The following DLGAP2 variants were observed in gnomAD, a reference collection of about 807,000 sequenced individuals.
DLGAP2 encodes DLG associated protein 2.
DLGAP2 carries 26 observed loss-of-function variants against 100.3 expected under a neutral mutation model. The ratio of observed to expected loss-of-function variants is 0.26; its 90% CI spans 0.19 to 0.36. DLGAP2 has a LOEUF of 0.36. DLGAP2 is among the 10% of genes least tolerant of loss of function. The pLI, the probability that DLGAP2 is intolerant of heterozygous loss-of-function variation, is 1.00. For missense variants in DLGAP2, 1,858 were observed against 1,453.2 expected, an observed-to-expected ratio of 1.28 and a Z score of -4.53; for synonymous variants, 886 against 630.1, an observed-to-expected ratio of 1.41 and a Z score of -6.08.
intron 3 of DLGAP2, among the ~76,000 whole-genome samples, chr8:1,331,203 G>T (rs191024736): frequency 6.6e-6 from 1 of 152,216 alleles, no homozygotes; most frequent in Non-Finnish European, 1.5e-5. Context: ...GAAATGCAGC[G>T]ATGTGGCACT....
chr8:957,909 C>G (rs1485713850), intron 2 of DLGAP2, among the ~76,000 whole-genome samples: 1 of 152,090 alleles, frequency 6.6e-6, no homozygotes, highest in African/African-American at 2.4e-5. Context: ...GGATTTCCCT[C>G]ACCTGCCATT....
intron 2 of DLGAP2, among the ~76,000 whole-genome samples, chr8:917,911 C>T (rs1798629731): frequency 1.3e-5 from 2 of 152,096 alleles, no homozygotes; most frequent in South Asian, 4.1e-4. Flanking sequence ...TAAAGTTGAT[C>T]AAAATGAATA....
chr8:882,775 T>C lies in DLGAP2; in HGVS notation c.19-25137T>C, dbSNP rs1196148110. Among the ~76,000 whole-genome samples, 9 of 150,940 alleles carry C rather than the reference T, an allele frequency of 6.0e-5. No individual in the cohort carries two copies. In the South Asian group the frequency reaches 1.1e-3, roughly 18 times the overall value. On this transcript the variant is annotated intron_variant, in intron 1 of 14. Coordinates refer to ENST00000637795, the MANE Select transcript of DLGAP2 (RefSeq NM_001346810.2). ...CGGTACCTCTCCCTGCGGAGGCCTCTCCTGCGGGCAGCCGTGCCTGGCCCA... is the reference window on the plus strand; with the variant it reads ...CGGTACCTCTCCCTGCGGAGGCCTCCCCTGCGGGCAGCCGTGCCTGGCCCA...
chr8:1,634,299 G>A (rs1797718593), intron 8 of DLGAP2, among the ~76,000 whole-genome samples: 1 of 152,198 alleles, frequency 6.6e-6, no homozygotes, highest in Non-Finnish European at 1.5e-5. Flanking sequence ...TTTCTTCAAT[G>A]CTGGCACCAC....
At chr8:1,592,326 A>C (rs530915387) in intron 6 of DLGAP2, among the ~76,000 whole-genome samples, 1 of 152,062 alleles carries the variant, frequency 6.6e-6, no homozygotes, top group East Asian at 1.9e-4. Flanking sequence ...AATTATGAAA[A>C]CTCTGAAAAT....
intron 2 of DLGAP2, among the ~76,000 whole-genome samples, chr8:993,752 C>T (rs1223225257): frequency 6.8e-6 from 1 of 146,364 alleles, no homozygotes; most frequent in Non-Finnish European, 1.5e-5. Context: ...TCTCTAGATG[C>T]AGACTTTAAG....
chr8:1,629,000 C>T (rs998064545), intron 7 of DLGAP2, among the ~76,000 whole-genome samples: 3 of 152,234 alleles, frequency 2.0e-5, no homozygotes, highest in Non-Finnish European at 4.4e-5. Flanking sequence ...CTTATTATTA[C>T]CATGATAACA....
intron 3 of DLGAP2, among the ~76,000 whole-genome samples, chr8:1,358,446 G>A (rs1048522234): frequency 6.6e-6 from 1 of 152,120 alleles, no homozygotes; most frequent in African/African-American, 2.4e-5. Context: ...GTAGATTTTA[G>A]CTGTTTCTCC....
At chr8:1,479,620 G>T (rs1799033795) in intron 3 of DLGAP2, among the ~76,000 whole-genome samples, 1 of 152,104 alleles carries the variant, frequency 6.6e-6, no homozygotes, top group South Asian at 2.1e-4. Context: ...AAATGGTAGA[G>T]TTTGCTCTTT....
At chr8:930,486 T>C (rs1305536467) in intron 2 of DLGAP2, among the ~76,000 whole-genome samples, 1 of 152,218 alleles carries the variant, frequency 6.6e-6, no homozygotes, top group African/African-American at 2.4e-5. Context: ...GAGGGTTCTC[T>C]GCAGAAAAGG....
intron 3 of DLGAP2, among the ~76,000 whole-genome samples, chr8:1,451,514 G>A (rs1479439303): frequency 7.9e-5 from 3 of 37,766 alleles, no homozygotes; most frequent in South Asian, 1.7e-3. Flanking sequence ...CACCACCCCT[G>A]GTCCCATAAA....
chr8:1,557,297 A>G (rs182404594), intron 5 of DLGAP2, among the ~76,000 whole-genome samples: 14 of 152,030 alleles, frequency 9.2e-5, no homozygotes, highest in African/African-American at 3.4e-4. Flanking sequence ...GGCTCACAAT[A>G]GGGGCTTTCC....
intron 2 of DLGAP2, among the ~76,000 whole-genome samples, chr8:938,091 C>A (rs1799112583): frequency 6.6e-6 from 1 of 152,200 alleles, no homozygotes; most frequent in African/African-American, 2.4e-5. Flanking sequence ...GGGTGCTGCG[C>A]TTCCTGACTT....
intron 1 of DLGAP2, among the ~76,000 whole-genome samples, chr8:850,588 G>A (rs1011048682): frequency 1.3e-5 from 2 of 152,186 alleles, no homozygotes; most frequent in Non-Finnish European, 2.9e-5. Context: ...TATGAAATGA[G>A]GCTGTTGCTT....
At chr8:817,559 A>G (rs1796505458) in intron 1 of DLGAP2, among the ~76,000 whole-genome samples, 1 of 152,130 alleles carries the variant, frequency 6.6e-6, no homozygotes, top group Admixed American at 6.5e-5. Flanking sequence ...TGTTACCAGA[A>G]TTGTTTTTCT....
chr8:1,651,112 G>A lies in DLGAP2; in HGVS notation c.1811-17217G>A, dbSNP rs557244600. On this transcript the variant is annotated intron_variant, in intron 8 of 14. Transcript: ENST00000637795. ...CACTTTCTCAAACGTACCATCCAGC[G>A]TCCACATTCTGAAGATAAACAGGTT... Among the ~76,000 whole-genome samples, 43 of 152,196 alleles carry A rather than the reference G, an allele frequency of 2.8e-4. 1 individual carries two copies. In the South Asian group the frequency reaches 8.3e-3, roughly 29 times the overall value.
At chr8:1,273,587 C>T (rs1185687093) in intron 3 of DLGAP2, among the ~76,000 whole-genome samples, 3 of 152,192 alleles carry the variant, frequency 2.0e-5, no homozygotes, top group Admixed American at 6.5e-5. Context: ...ACGGCTTTAT[C>T]ATGTGCAGAG....
chr8:1,176,243 A>C (rs1797252740), intron 2 of DLGAP2, among the ~76,000 whole-genome samples: 1 of 152,114 alleles, frequency 6.6e-6, no homozygotes, highest in South Asian at 2.1e-4. Context: ...AAACCATCAG[A>C]CCTCGTGAGA....
At chr8:1,548,473 A>AAC (rs1209336703) in intron 4 of DLGAP2, among the ~76,000 whole-genome samples, 153 bp from the exon 5 acceptor site, 9 of 149,910 alleles carry the variant, frequency 6.0e-5, no homozygotes, top group Admixed American at 6.6e-5. Flanking sequence ...AAAAAAAAAA[A>AAC]AAAAAAAAAA....
Sources: allele counts gnomAD v4.1 joint callset (sites outside exome capture counted in the v4.1 genomes callset), GRCh38; gene constraint gnomAD v4.1.1; transcripts MANE v1.5; gene names NCBI Gene and HGNC (gene_info 2026-07-23, HGNC 2026-07-21).